Variants in DMD observed in about 807,000 individuals in gnomAD.
DMD encodes dystrophin.
Under a neutral mutation model 330.1 loss-of-function variants are expected in DMD, and 63 were observed. That is an observed-to-expected ratio of 0.19 (90% CI 0.16 to 0.24). The LOEUF (loss-of-function observed/expected upper bound fraction) is 0.24. DMD is among the 10% of genes least tolerant of loss of function. The pLI is 1.00. For missense variants in DMD, 3,344 were observed against 2,684.1 expected, an observed-to-expected ratio of 1.25 and a Z score of -5.43; for synonymous variants, 1,223 against 959.8, an observed-to-expected ratio of 1.27 and a Z score of -5.07.
chrX:31,200,649 T>G (rs1407270907), intron 67 of DMD, among the ~76,000 whole-genome samples: 1 of 111,621 alleles, frequency 9.0e-6, no homozygotes, highest in Non-Finnish European at 1.9e-5. Context: ...GTCTGAGAGT[T>G]AAATAGAGGA....
At chrX:32,550,765 A>T (rs931445863) in intron 16 of DMD, among the ~76,000 whole-genome samples, 2 of 110,523 alleles carry the variant, frequency 1.8e-5, no homozygotes, top group Non-Finnish European at 3.8e-5. Flanking sequence ...AAGAGAGAAG[A>T]CTCAAATAAA....
chrX:31,177,881 C>T lies in DMD; in HGVS notation c.10262+51G>A, dbSNP rs150818656. On this transcript the variant is annotated intron_variant, in intron 71 of 78. Transcript: ENST00000357033. ...ATAAACAGAACAAAAGAGAACCAAG[C>T]GAGCGAATGTGTTGGTGGTAGCAGC... The T allele has an allele frequency of 6.3e-4, 665 of 1,047,561 alleles. 2 individuals are homozygous for T. In the African/African-American group the frequency reaches 0.01, roughly 16 times the overall value. 86.3% of individuals were successfully genotyped at this position (1,047,561 alleles called of 1,213,427 possible).
chrX:32,759,472 C>T (rs1402826534), intron 7 of DMD, among the ~76,000 whole-genome samples: 3 of 111,143 alleles, frequency 2.7e-5, no homozygotes, highest in South Asian at 3.8e-4. Context: ...TAGCTTAATC[C>T]TTTCACTGCT....
intron 1 of DMD, among the ~76,000 whole-genome samples, chrX:33,263,027 G>C (rs1264233751): frequency 9.0e-6 from 1 of 110,521 alleles, no homozygotes; most frequent in African/African-American, 3.3e-5. Flanking sequence ...TCAATATCTA[G>C]TTGATAAGAA....
intron 63 of DMD, among the ~76,000 whole-genome samples, chrX:31,244,612 T>C (rs1220987391): frequency 8.9e-6 from 1 of 111,762 alleles, no homozygotes; most frequent in African/African-American, 3.3e-5. Flanking sequence ...AAACTGCAAC[T>C]AGCGAAAAAT....
At chrX:31,803,433 C>T (rs1273555883) in intron 50 of DMD, among the ~76,000 whole-genome samples, 1 of 112,040 alleles carries the variant, frequency 8.9e-6, no homozygotes, top group Non-Finnish European at 1.9e-5. Context: ...TTACATAGAA[C>T]GTACACATAA....
At chrX:32,888,577 A>G (rs2084894011) in intron 2 of DMD, among the ~76,000 whole-genome samples, 1 of 111,785 alleles carries the variant, frequency 8.9e-6, no homozygotes, top group Non-Finnish European at 1.9e-5. Flanking sequence ...AAATAGGTAC[A>G]GCCATTATGG....
intron 7 of DMD, among the ~76,000 whole-genome samples, chrX:32,794,502 C>T (rs2076046227): frequency 1.8e-5 from 2 of 111,390 alleles, no homozygotes; most frequent in Non-Finnish European, 3.8e-5. Context: ...GGCAAGAGAA[C>T]GGCATGAACC....
intron 7 of DMD, among the ~76,000 whole-genome samples, chrX:32,747,957 T>C (rs1008397315): frequency 8.9e-6 from 1 of 112,069 alleles, no homozygotes; most frequent in Non-Finnish European, 1.9e-5. Context: ...AAAGCCAGGA[T>C]AGCTTTTAAT....
intron 55 of DMD, among the ~76,000 whole-genome samples, chrX:31,593,346 G>C (rs1161644305): frequency 9.0e-6 from 1 of 111,233 alleles, no homozygotes; most frequent in Admixed American, 9.6e-5. Flanking sequence ...AAAGTTCCCA[G>C]AGCTTCGCTG....
At chrX:32,159,767 A>AGG (rs2096842563) in intron 44 of DMD, among the ~76,000 whole-genome samples, 1 of 111,819 alleles carries the variant, frequency 8.9e-6, no homozygotes, top group Non-Finnish European at 1.9e-5. Context: ...AGAGAAACTA[A>AGG]GGGTCTAAAC....
Position 31,146,313 on chromosome X carries a change from G to A in DMD, c.10899C>T (p.Gly3633=). The A allele has an allele frequency of 8.3e-7, 1 of 1,210,916 alleles. No homozygotes were observed. The highest frequency in any genetic ancestry group is 1.1e-6 in the Non-Finnish European group (1 of 894,950). ...TACCCATGGAGTCCGAAGTTTGACT[G>A]CCAACCACTCGGAGCAGCATAGGCT... ...SSQPMLLRVV[G]SQTSDSMGEE... Residue 3633 remains glycine, a synonymous_variant, in exon 76 of 79, where the codon GGC becomes GGT. Coordinates refer to ENST00000357033, the MANE Select transcript of DMD (RefSeq NM_004006.3).
chrX:31,461,595 T>G (rs2066529903), intron 59 of DMD, among the ~76,000 whole-genome samples: 1 of 111,902 alleles, frequency 8.9e-6, no homozygotes, highest in African/African-American at 3.3e-5. Flanking sequence ...ATCACTTTCT[T>G]AGACTTTTTC....
intron 2 of DMD, among the ~76,000 whole-genome samples, chrX:33,010,210 G>GTA (rs1569549271): frequency 4.3e-5 from 2 of 46,968 alleles, no homozygotes; most frequent in Non-Finnish European, 1.1e-4. Flanking sequence ...ATATGTGTGT[G>GTA]TATATGTACA....
intron 7 of DMD, among the ~76,000 whole-genome samples, chrX:32,764,634 C>A (rs2072741953): frequency 8.9e-6 from 1 of 112,030 alleles, no homozygotes; most frequent in Admixed American, 9.5e-5. Context: ...TTTCTTAAGG[C>A]TGAATAATAT....
intron 9 of DMD, among the ~76,000 whole-genome samples, chrX:32,687,276 C>G (rs1202499868): frequency 8.9e-6 from 1 of 111,860 alleles, no homozygotes; most frequent in African/African-American, 3.2e-5. Context: ...AGCCACATTT[C>G]CCAACTAACC....
At chrX:31,964,192 T>A (rs2095331615) in intron 45 of DMD, among the ~76,000 whole-genome samples, 1 of 111,171 alleles carries the variant, frequency 9.0e-6, no homozygotes, top group South Asian at 3.8e-4. Flanking sequence ...AGTTAAATCA[T>A]CCCATCAGGG....
chrX:32,292,483 A>G (rs1299851661), intron 42 of DMD, among the ~76,000 whole-genome samples: 2 of 107,422 alleles, frequency 1.9e-5, no homozygotes, highest in Admixed American at 1.0e-4. Context: ...AATTTTTTGT[A>G]TCTTTAGTAG....
intron 37 of DMD, among the ~76,000 whole-genome samples, chrX:32,362,091 A>G (rs1186301069): frequency 8.9e-6 from 1 of 111,876 alleles, no homozygotes; most frequent in Non-Finnish European, 1.9e-5. Flanking sequence ...CTATCACGCA[A>G]AAGTTCCATA....
Sources: allele counts gnomAD v4.1 joint callset (sites outside exome capture counted in the v4.1 genomes callset), GRCh38; gene constraint gnomAD v4.1.1; transcripts MANE v1.5; gene names NCBI Gene and HGNC (gene_info 2026-07-23, HGNC 2026-07-21).